BEND6: variants seen among roughly 807,000 people sequenced by gnomAD.
BEND6 encodes the protein BEN domain-containing protein 6.
In BEND6, 24 loss-of-function variants were observed where a neutral mutation model predicts 31.8. That is an observed-to-expected ratio of 0.75 (90% confidence interval 0.55 to 1.06). The LOEUF (loss-of-function observed/expected upper bound fraction) is 1.06, where lower values mean the gene tolerates loss of function less well. Among genes scored for constraint, BEND6 ranks in the 50% least tolerant of loss-of-function variants. BEND6 has a pLI of 0.00. For synonymous variants in BEND6, 109 were observed against 114.6 expected (o/e 0.95, Z 0.31); for missense variants, 294 against 327.4 (o/e 0.90, Z 0.79).
chr6:57,024,953 G>T (rs962348748), intron 6 of BEND6, among the ~76,000 whole-genome samples: 1 of 152,044 alleles, frequency 6.6e-6, no homozygotes, highest in Non-Finnish European at 1.5e-5. Context: ...GCCTGTCTTT[G>T]ATTTCACAGG....
intron 1 of BEND6, among the ~76,000 whole-genome samples, chr6:56,960,278 T>C (rs933796769): frequency 2.0e-5 from 3 of 149,966 alleles, no homozygotes; most frequent in Non-Finnish European, 4.4e-5. Context: ...TCATTATTAT[T>C]CCGATGGTAT....
intron 1 of BEND6, among the ~76,000 whole-genome samples, chr6:56,963,967 GTTAA>G (rs1375734878): frequency 1.2e-4 from 18 of 146,486 alleles, no homozygotes; most frequent in East Asian, 3.9e-4. Flanking sequence ...TAATTATATT[GTTAA>G]TTAATAATAT....
At chr6:57,025,329 G>A (rs561703236) in intron 6 of BEND6, among the ~76,000 whole-genome samples, 1 of 152,054 alleles carries the variant, frequency 6.6e-6, no homozygotes, top group Non-Finnish European at 1.5e-5. Context: ...CTGTCTTTTT[G>A]GTCTGACTTG....
rs192821262 is a variant in BEND6, at chr6:57,001,054, G to C, written c.298+8499G>C. On this transcript the variant is annotated intron_variant, in intron 3 of 6. Coordinates refer to ENST00000370746, the MANE Select transcript of BEND6 (RefSeq NM_152731.3). ...AAAAAAATCATACCCACATGAAAAA[G>C]AAAAAGAAATCCAGAGAACACCTGC... Among the ~76,000 whole-genome samples the C allele has an allele frequency of 2.3e-3, 349 of 150,554 alleles. 4 individuals are homozygous for C. The highest frequency in any genetic ancestry group is 7.9e-3 in the African/African-American group (326 of 41,058).
At chr6:56,968,951 A>T in intron 1 of BEND6, among the ~76,000 whole-genome samples, 1 of 151,946 alleles carries the variant, frequency 6.6e-6, no homozygotes, top group Admixed American at 6.6e-5. Context: ...GGCAGGCGCC[A>T]GTAATCCTAG....
At chr6:56,986,624 G>C (rs1826283886) in intron 2 of BEND6, among the ~76,000 whole-genome samples, 2 of 152,082 alleles carry the variant, frequency 1.3e-5, no homozygotes, top group Admixed American at 1.3e-4. Flanking sequence ...GTGTAAAACA[G>C]TCTTTTTGAG....
At chr6:57,024,763 A>T (rs1344480911) in intron 6 of BEND6, among the ~76,000 whole-genome samples, 11 of 152,100 alleles carry the variant, frequency 7.2e-5, no homozygotes, top group Admixed American at 3.3e-4. Flanking sequence ...AAGTTTTGGG[A>T]AGTTTTCTGT....
At chr6:57,005,387 A>G (rs1011727514) in intron 3 of BEND6, among the ~76,000 whole-genome samples, 1 of 152,188 alleles carries the variant, frequency 6.6e-6, no homozygotes, top group Non-Finnish European at 1.5e-5. Flanking sequence ...GAATAGAAAG[A>G]CTTGTGGGCC....
At chr6:57,010,292 A>G (rs1241944171) in intron 3 of BEND6, 1 of 152,206 alleles carries the variant, frequency 6.6e-6, no homozygotes, top group Non-Finnish European at 1.5e-5. Context: ...ATTGCAAGGG[A>G]AAAAACTAGG....
rs1386983416 is a variant in BEND6 at position 56,981,799 on chromosome 6, CTAAT to C, written c.-10_-7del. ...TAGGATTTCAGAAAACCTTTGATAA[CTAAT>C]TGAGAAAATGCAGAAGATCGTGCAG... On this transcript the variant is annotated 5_prime_UTR_variant, in exon 2 of 7. Transcript: ENST00000370746. 3 of 1,610,738 alleles carry C rather than the reference CTAAT, an allele frequency of 1.9e-6. No homozygotes were observed. Among genetic ancestry groups the C allele is most frequent in the East Asian group, 2.2e-5 (1 of 44,674 alleles).
intron 3 of BEND6, among the ~76,000 whole-genome samples, chr6:56,999,929 C>G (rs975236030): frequency 1.3e-5 from 2 of 150,744 alleles, no homozygotes; most frequent in African/African-American, 2.4e-5. Context: ...AGGAAGCGAG[C>G]CCCTCTGCCT....
chr6:56,988,957 G>C (rs1826389344), intron 2 of BEND6, among the ~76,000 whole-genome samples: 2 of 152,098 alleles, frequency 1.3e-5, no homozygotes, highest in South Asian at 4.2e-4. Context: ...CTTGAACCAG[G>C]GAGGTGGAGG....
At chr6:56,997,359 TTTTG>T (rs1826759496) in intron 3 of BEND6, among the ~76,000 whole-genome samples, 1 of 152,152 alleles carries the variant, frequency 6.6e-6, no homozygotes, top group Non-Finnish European at 1.5e-5. Flanking sequence ...TTTGTTTCCT[TTTTG>T]GCACTTGCAA....
At chr6:56,964,448 C>A (rs1825397799) in intron 1 of BEND6, among the ~76,000 whole-genome samples, 1 of 152,026 alleles carries the variant, frequency 6.6e-6, no homozygotes. Flanking sequence ...AAATCAAAGA[C>A]TGACAACACT....
chr6:57,001,789 A>G (rs972369185), intron 3 of BEND6, among the ~76,000 whole-genome samples: 1 of 152,238 alleles, frequency 6.6e-6, no homozygotes, highest in African/African-American at 2.4e-5. Flanking sequence ...ACAAAAACAC[A>G]CTTAAGTACG....
chr6:56,984,063 A>C (rs890654390), intron 2 of BEND6, among the ~76,000 whole-genome samples: 1 of 152,072 alleles, frequency 6.6e-6, no homozygotes, highest in Admixed American at 6.6e-5. Context: ...TACCAAAAAA[A>C]ATTTAAAATT....
At chr6:57,015,826 A>C (rs1827540501) in intron 4 of BEND6, among the ~76,000 whole-genome samples, 1 of 151,616 alleles carries the variant, frequency 6.6e-6, no homozygotes, top group Admixed American at 6.6e-5. Flanking sequence ...AAAAAAAAAA[A>C]AGAAGAGGCA....
At chr6:56,990,922 C>A (rs1053299055) in intron 2 of BEND6, among the ~76,000 whole-genome samples, 2 of 152,118 alleles carry the variant, frequency 1.3e-5, no homozygotes, top group Admixed American at 1.3e-4. Flanking sequence ...AATCTATTCT[C>A]TTCATTTATA....
intron 3 of BEND6, among the ~76,000 whole-genome samples, chr6:57,001,075 C>T (rs1826922295): frequency 6.6e-6 from 1 of 151,544 alleles, no homozygotes; most frequent in African/African-American, 2.4e-5. Context: ...CCAGAGAACA[C>T]CTGCTACATC....
Sources: gnomAD v4.1 joint callset for allele counts (sites outside exome capture counted in the v4.1 genomes callset) on GRCh38, gnomAD v4.1.1 for gene constraint, MANE v1.5 for transcripts, NCBI Gene and HGNC (gene_info 2026-07-23, HGNC 2026-07-21) for gene names.